Variants in CUX1 observed in about 807,000 individuals in gnomAD.
CUX1 encodes cut like homeobox 1.
In CUX1, 31 loss-of-function variants were observed where a neutral mutation model predicts 158.8. That is an observed-to-expected ratio of 0.20 (90% CI 0.15 to 0.26). The LOEUF is 0.26. Ranked by LOEUF, CUX1 falls within the 10% of genes least tolerant of loss-of-function variation. The probability of loss-of-function intolerance (pLI) is 1.00; values close to 1 mark genes in which losing one functional copy is unlikely to be tolerated. For missense variants in CUX1, 1,589 were observed against 2,014.6 expected, an observed-to-expected ratio of 0.79 and a Z score of 4.04; for synonymous variants, 879 against 862.1, an observed-to-expected ratio of 1.02 and a Z score of -0.34.
intron 3 of CUX1, among the ~76,000 whole-genome samples, chr7:102,050,595 C>T (rs996198445): frequency 9.9e-5 from 15 of 152,128 alleles, no homozygotes; most frequent in African/African-American, 3.6e-4. Context: ...CCTGCGTATG[C>T]CCCATTTCGG....
chr7:102,187,534 C>A (rs1793764183), intron 11 of CUX1, among the ~76,000 whole-genome samples: 1 of 152,284 alleles, frequency 6.6e-6, no homozygotes, highest in African/African-American at 2.4e-5. Context: ...TGTCGGCCTT[C>A]TTGGTCTGTG....
intron 3 of CUX1, among the ~76,000 whole-genome samples, chr7:102,059,872 A>G (rs1470993726): frequency 6.6e-6 from 1 of 152,118 alleles, no homozygotes; most frequent in Non-Finnish European, 1.5e-5. Flanking sequence ...CATCGATTTG[A>G]AAATTCTTTT....
chr7:102,262,936 A>C (rs531291975), downstream of CUX1, among the ~76,000 whole-genome samples: 1 of 152,228 alleles, frequency 6.6e-6, no homozygotes, highest in East Asian at 1.9e-4. Context: ...CGTAATAAAT[A>C]AGTGAATGAG....
intron 6 of CUX1, among the ~76,000 whole-genome samples, chr7:102,105,504 CTTTTTTTTTTTT>C: frequency 1.2e-5 from 1 of 85,886 alleles, no homozygotes; most frequent in South Asian, 5.3e-4. Flanking sequence ...CCATATAGAT[CTTTTTTTTTTTT>C]TTTTTTTTTT....
chr7:102,214,285 A>G (rs1179354081), intron 20 of CUX1, among the ~76,000 whole-genome samples: 1 of 152,164 alleles, frequency 6.6e-6, no homozygotes, highest in Non-Finnish European at 1.5e-5. Flanking sequence ...ACACTTTGGG[A>G]GGCTAAGACT....
chr7:102,089,858 G>C (rs1384945241), intron 4 of CUX1, among the ~76,000 whole-genome samples: 4 of 152,158 alleles, frequency 2.6e-5, no homozygotes, highest in African/African-American at 9.7e-5. Flanking sequence ...ACTCCGCTTG[G>C]GTTTTTTTCT....
chr7:101,973,444 A>T (rs1481839238), intron 2 of CUX1, among the ~76,000 whole-genome samples: 1 of 152,220 alleles, frequency 6.6e-6, no homozygotes, highest in Non-Finnish European at 1.5e-5. Flanking sequence ...TGACAGGGGA[A>T]TTGGAGACTG....
In CUX1 at chr7:102,170,490, G is replaced by T; in HGVS notation, c.768G>T (p.Gln256His). Residue 256 changes from glutamine (Q) to histidine (H), a missense_variant, in exon 10 of 24, where the codon CAG (glutamine) becomes CAT (histidine). Gln to His is a conservative substitution (Grantham distance 24). Coordinates refer to ENST00000292535, the MANE Select transcript of CUX1 (RefSeq NM_181552.4). ...GAGAGGCGGAGACCTTAAGGGAACA[G>T]CTCTCATCGGCCAATCACTCCCTCC... Reference protein sequence around the residue: ...AQREAETLREQLSSANHSLQL... With the variant: ...AQREAETLREHLSSANHSLQL... 6.3e-7 allele frequency: 1 copy of T among 1,593,666 alleles called. No homozygotes were observed. The highest frequency in any genetic ancestry group is 8.5e-7 in the Non-Finnish European group (1 of 1,169,700).
intron 1 of CUX1, among the ~76,000 whole-genome samples, chr7:101,902,430 A>G (rs1296171982): frequency 6.6e-6 from 1 of 152,210 alleles, no homozygotes; most frequent in Non-Finnish European, 1.5e-5. Flanking sequence ...GCCACTAGCT[A>G]CATGTAACTG....
intron 1 of CUX1, among the ~76,000 whole-genome samples, chr7:101,844,160 T>C (rs1795444627): frequency 6.6e-6 from 1 of 152,054 alleles, no homozygotes; most frequent in Non-Finnish European, 1.5e-5. Context: ...ACTGTTGCTA[T>C]TAACAAACAC....
chr7:102,267,857 G>A lies in CUX1; in HGVS notation c.1256-5509G>A, dbSNP rs184806118. ...AAGTTTTGTATTTTTCTGTAGAGAT[G>A]ACGTTTTGCCATGTTGCCCGTGCTG... is the stretch of plus-strand genomic sequence containing the variant. On this transcript the variant is annotated intron_variant, in intron 14 of 22. Coordinates refer to the CUX1 transcript ENST00000292538. Among the ~76,000 whole-genome samples the A allele has an allele frequency of 7.0e-4, 107 of 152,226 alleles. 1 individual carries two copies. Among genetic ancestry groups the A allele is most frequent in the Admixed American group, 3.3e-3 (51 of 15,272 alleles).
At chr7:101,852,967 T>C (rs892857125) in intron 1 of CUX1, among the ~76,000 whole-genome samples, 1 of 152,170 alleles carries the variant, frequency 6.6e-6, no homozygotes, top group Non-Finnish European at 1.5e-5. Flanking sequence ...CATGAGCCAC[T>C]GTGCTTGGCC....
chr7:102,096,756 G>C (rs1294383181), intron 4 of CUX1, among the ~76,000 whole-genome samples: 1 of 152,160 alleles, frequency 6.6e-6, no homozygotes, highest in Admixed American at 6.5e-5. Context: ...AACAGACTTA[G>C]GTGTGCATTC....
intron 4 of CUX1, among the ~76,000 whole-genome samples, chr7:102,087,634 A>G (rs1341221106): frequency 6.6e-6 from 1 of 152,192 alleles, no homozygotes; most frequent in Non-Finnish European, 1.5e-5. Flanking sequence ...ACCTTCAAAT[A>G]ATACACCATT....
chr7:102,276,011 C>CA (rs35522723), intron 17 of CUX1, among the ~76,000 whole-genome samples: 82,882 of 137,012 alleles, frequency 0.6, 24,119 homozygotes, highest in African/African-American at 0.66. Context: ...GACTCCATCT[C>CA]AAAAAAAAAA....
At position 102,249,598 on chromosome 7, in the gene CUX1, T is replaced by A; in HGVS notation, c.*556T>A. The stretch of plus-strand genomic sequence containing the variant: ...AAGAAAAAAAATCAAACCCACATAT[T>A]AAAAGGGGGCTTTTTATCTGCCATC... On this transcript the variant is annotated 3_prime_UTR_variant, in exon 24 of 24. Coordinates refer to ENST00000292535, the MANE Select transcript of CUX1 (RefSeq NM_181552.4). 8.1e-6 allele frequency: 8 copies of A among 985,580 alleles called. No homozygotes were observed. Among genetic ancestry groups the A allele is most frequent in the African/African-American group, 1.7e-5 (1 of 57,300 alleles). The allele number at this position is 985,580 out of a possible 1,614,324, so 61.1% of individuals were successfully genotyped here. A position where few individuals can be genotyped will look rare whatever the true frequency, so the allele number is the denominator to read the frequency against.
intron 1 of CUX1, among the ~76,000 whole-genome samples, chr7:101,864,948 TA>T (rs1464848908): frequency 6.6e-6 from 1 of 152,174 alleles, no homozygotes; most frequent in East Asian, 1.9e-4. Flanking sequence ...TAATTATTTC[TA>T]AAAAAGTAAA....
chr7:102,143,338 A>G (rs1310457934), intron 8 of CUX1, among the ~76,000 whole-genome samples: 2 of 152,164 alleles, frequency 1.3e-5, no homozygotes, highest in African/African-American at 2.4e-5. Context: ...GCGCGATCAT[A>G]GCTCACTGCA....
intron 1 of CUX1, among the ~76,000 whole-genome samples, chr7:101,857,114 T>C (rs1379071282): frequency 6.6e-6 from 1 of 152,192 alleles, no homozygotes; most frequent in Admixed American, 6.5e-5. Flanking sequence ...GGGCCACTTT[T>C]GGGCCTGCGC....
Sources: gnomAD v4.1 joint callset for allele counts (sites outside exome capture counted in the v4.1 genomes callset) on GRCh38, gnomAD v4.1.1 for gene constraint, MANE v1.5 for transcripts, NCBI Gene and HGNC (gene_info 2026-07-23, HGNC 2026-07-21) for gene names.